The following ATP6V0A4 variants were observed in gnomAD, a reference collection of about 807,000 sequenced individuals.
The protein encoded by ATP6V0A4 is ATPase H+ transporting V0 subunit a4, also known as V-type proton ATPase 116 kDa subunit a 4.
ATP6V0A4 carries 86 observed loss-of-function variants against 107.3 expected under a neutral mutation model. The observed-to-expected ratio is 0.80, with a 90% CI of 0.67 to 0.96. The LOEUF (loss-of-function observed/expected upper bound fraction) is 0.96. Among genes scored for constraint, ATP6V0A4 ranks in the 40% least tolerant of loss-of-function variants. ATP6V0A4 has a pLI of 0.00. For synonymous variants in ATP6V0A4, 353 were observed against 381.4 expected (o/e 0.93, Z 0.87); for missense variants, 908 against 1,045.6 (o/e 0.87, Z 1.81).
intron 15 of ATP6V0A4, 44 bp downstream of exon 15, chr7:138,739,496 G>A: frequency 4.4e-6 from 7 of 1,607,164 alleles, no homozygotes; most frequent in Non-Finnish European, 6.0e-6. Context: ...GTCTCCTCAA[G>A]ATAGTTCACA....
chr7:138,733,147 G>A, intron 16 of ATP6V0A4, 54 bp from the exon 17 acceptor site: 1 of 1,609,914 alleles, frequency 6.2e-7, no homozygotes, highest in South Asian at 1.1e-5. Context: ...GGAACGTTAG[G>A]ACTTAATTAT....
intron 11 of ATP6V0A4, 121 bp downstream of exon 11, chr7:138,752,504 G>T: frequency 7.8e-7 from 1 of 1,275,452 alleles, no homozygotes; most frequent in Non-Finnish European, 1.1e-6. Context: ...ACACAAAGAT[G>T]AAGGAAGCAA....
At chr7:138,744,295 T>C (rs1191866067) in intron 14 of ATP6V0A4, among the ~76,000 whole-genome samples, 1 of 148,178 alleles carries the variant, frequency 6.7e-6, no homozygotes, top group East Asian at 2.0e-4. Flanking sequence ...TGGAGTGCAA[T>C]GGTGTGATCT....
intron 1 of ATP6V0A4, among the ~76,000 whole-genome samples, chr7:138,792,766 G>GTTTTTTGTTTTTTTTTTTTTTTTT (rs1808474812): frequency 1.5e-5 from 1 of 68,708 alleles, no homozygotes; most frequent in Non-Finnish European, 2.8e-5. Flanking sequence ...ACTCAGGTTT[G>GTTTTTTGTTTTTTTTTTTTTTTTT]TTTTTTTTTT....
intron 10 of ATP6V0A4, among the ~76,000 whole-genome samples, chr7:138,753,861 C>A (rs901052004): frequency 6.6e-6 from 1 of 152,138 alleles, no homozygotes; most frequent in Non-Finnish European, 1.5e-5. Flanking sequence ...AAGAGCATAG[C>A]CCGAATTATA....
intron 11 of ATP6V0A4, among the ~76,000 whole-genome samples, chr7:138,751,093 T>C (rs555787044): frequency 6.6e-6 from 1 of 152,132 alleles, no homozygotes; most frequent in Non-Finnish European, 1.5e-5. Context: ...CGTCACCAGA[T>C]ATGCCACCCA....
At chr7:138,740,990 A>C (rs1805609768) in intron 14 of ATP6V0A4, among the ~76,000 whole-genome samples, 1 of 151,700 alleles carries the variant, frequency 6.6e-6, no homozygotes. Flanking sequence ...CTAAAAATAC[A>C]AAAATTAGTT....
chr7:138,756,513 T>C lies in ATP6V0A4; in HGVS notation c.667A>G (p.Ile223Val), dbSNP rs1257062188. 1 of 1,611,932 alleles carries C rather than the reference T, an allele frequency of 6.2e-7. No homozygotes were observed. The highest frequency in any genetic ancestry group is 1.1e-5 in the South Asian group (1 of 91,060). ...AGCTGCTCTCCTTGGTAAAATATGA[T>C]GAATATGTTCTTCTGAATTTCTTCT... ...TKEEIQKNIF[I>V]IFYQGEQLRQ... Residue 223 changes from isoleucine (I) to valine (V), a missense_variant, in exon 9 of 22, where the codon ATC (isoleucine) becomes GTC (valine). By Grantham distance (29) the Ile-to-Val change is conservative. Coordinates refer to ENST00000310018, the MANE Select transcript of ATP6V0A4 (RefSeq NM_020632.3).
chr7:138,728,743 G>A lies in ATP6V0A4; in HGVS notation c.2010+18C>T. ...ATTCTTATGCAAAGTAGGGTGAACTGAAACAAACAGCCCTTACCTGGGATT... is the reference window on the plus strand; with the variant it reads ...ATTCTTATGCAAAGTAGGGTGAACTAAAACAAACAGCCCTTACCTGGGATT... On this transcript the variant is annotated intron_variant, in intron 18 of 21. Coordinates refer to ENST00000310018, the MANE Select transcript of ATP6V0A4 (RefSeq NM_020632.3). 3 of 1,614,094 alleles carry A rather than the reference G, an allele frequency of 1.9e-6. No individual in the cohort carries two copies. The highest frequency in any genetic ancestry group is 2.5e-6 in the Non-Finnish European group (3 of 1,180,006).
intron 2 of ATP6V0A4, among the ~76,000 whole-genome samples, chr7:138,784,236 G>GTATATATATATATATACATATATATATA (rs1563020748): frequency 5.9e-5 from 1 of 16,818 alleles, no homozygotes; most frequent in Non-Finnish European, 1.5e-4. Context: ...ATATATATAC[G>GTATATATATATATATACATATATATATA]TATATATATA....
intron 2 of ATP6V0A4, among the ~76,000 whole-genome samples, chr7:138,784,987 T>C (rs1203147489): frequency 6.6e-6 from 1 of 152,192 alleles, no homozygotes; most frequent in Non-Finnish European, 1.5e-5. Context: ...TCTCATATCC[T>C]TGTACCCAGG....
At chr7:138,765,434 A>G (rs745959965) in intron 5 of ATP6V0A4, among the ~76,000 whole-genome samples, 15 of 152,254 alleles carry the variant, frequency 9.9e-5, no homozygotes, top group Non-Finnish European at 2.1e-4. Flanking sequence ...ATGTAAAAGT[A>G]TAGCTGCATG....
At chr7:138,725,713 A>G (rs1804676489) in intron 18 of ATP6V0A4, among the ~76,000 whole-genome samples, 2 of 151,802 alleles carry the variant, frequency 1.3e-5, no homozygotes, top group African/African-American at 4.8e-5. Context: ...GGGTTTCACC[A>G]TGTTGGCCAG....
intron 17 of ATP6V0A4, among the ~76,000 whole-genome samples, chr7:138,729,979 G>A (rs1804907309): frequency 6.6e-6 from 1 of 152,154 alleles, no homozygotes; most frequent in African/African-American, 2.4e-5. Context: ...TGCCTCCTGG[G>A]TTCAAGCGAG....
chr7:138,775,006 G>A (rs1032241791), intron 2 of ATP6V0A4, among the ~76,000 whole-genome samples: 11 of 152,008 alleles, frequency 7.2e-5, no homozygotes, highest in Non-Finnish European at 1.6e-4. Flanking sequence ...CATTTCTCTT[G>A]CCCAGGGGTG....
chr7:138,780,264 C>T (rs1464915934), intron 2 of ATP6V0A4: 1 of 152,206 alleles, frequency 6.6e-6, no homozygotes, highest in Non-Finnish European at 1.5e-5. Context: ...ACTGTTCCAT[C>T]TCAGATCACC....
At chr7:138,753,397 G>A (rs1482839335) in intron 10 of ATP6V0A4, among the ~76,000 whole-genome samples, 1 of 152,218 alleles carries the variant, frequency 6.6e-6, no homozygotes, top group East Asian at 1.9e-4. Context: ...CGGCCCTGCT[G>A]ACGCCTTGAT....
chr7:138,793,813 G>C lies in ATP6V0A4; in HGVS notation c.-121+4221C>G, dbSNP rs190962401. On this transcript the variant is annotated intron_variant, in intron 1 of 21. Coordinates refer to ENST00000310018, the MANE Select transcript of ATP6V0A4 (RefSeq NM_020632.3). ...AGGTGGAAGGTTGTTTTCGCCAAGAGGAAGGACCTCCTTTGTGTTAACCTC... is the reference window on the plus strand; with the variant it reads ...AGGTGGAAGGTTGTTTTCGCCAAGACGAAGGACCTCCTTTGTGTTAACCTC... Among the ~76,000 whole-genome samples, 120 of 152,280 alleles carry C rather than the reference G, an allele frequency of 7.9e-4. 1 individual carries two copies. Among genetic ancestry groups the C allele is most frequent in the Non-Finnish European group, 1.4e-3 (93 of 68,024 alleles).
intron 2 of ATP6V0A4, among the ~76,000 whole-genome samples, chr7:138,779,465 C>A (rs965548693): frequency 2.6e-5 from 4 of 152,084 alleles, no homozygotes; most frequent in African/African-American, 9.7e-5. Context: ...CAAGAAATAC[C>A]CCCACAGGTA....
Sources: allele counts gnomAD v4.1 joint callset (sites outside exome capture counted in the v4.1 genomes callset), GRCh38; gene constraint gnomAD v4.1.1; transcripts MANE v1.5; gene names NCBI Gene and HGNC (gene_info 2026-07-23, HGNC 2026-07-21).